HECTD4: variants seen among roughly 807,000 people sequenced by gnomAD.
The protein encoded by HECTD4 is probable E3 ubiquitin-protein ligase HECTD4.
In HECTD4, 114 loss-of-function variants were observed where a neutral mutation model predicts 471.5. That is an observed-to-expected ratio of 0.24 (90% CI 0.21 to 0.28). The LOEUF (loss-of-function observed/expected upper bound fraction) is 0.28. Among genes scored for constraint, HECTD4 ranks in the 10% least tolerant of loss-of-function variants. HECTD4 has a pLI of 1.00. For missense variants in HECTD4, 3,866 were observed against 5,651.5 expected (o/e 0.68, Z 10.13); for synonymous variants, 2,012 against 2,256.0 (o/e 0.89, Z 3.07).
intron 8 of HECTD4, among the ~76,000 whole-genome samples, chr12:112,282,825 T>C (rs1021633884): frequency 6.6e-6 from 1 of 152,236 alleles, no homozygotes; most frequent in Non-Finnish European, 1.5e-5. Flanking sequence ...TCACAAAGCA[T>C]ACGCAAAATA....
chr12:112,207,871 G>C lies in HECTD4; in HGVS notation c.8131+3C>G, dbSNP rs755745380. 2 of 1,613,670 alleles carry C rather than the reference G, an allele frequency of 1.2e-6. No individual in the cohort carries two copies. Among genetic ancestry groups the C allele is most frequent in the East Asian group, 2.2e-5 (1 of 44,888 alleles). On this transcript the variant is annotated splice_donor_region_variant and intron_variant, in intron 52 of 75. Transcript: ENST00000682272. ...CTCCTTAGCAGAACAAAAAGTACCA[G>C]ACCTAGTTGTAAGGCCCCCTTTATC... is the stretch of plus-strand genomic sequence containing the variant.
At chr12:112,292,940 T>C (rs2034920242) in intron 7 of HECTD4, among the ~76,000 whole-genome samples, 1 of 151,914 alleles carries the variant, frequency 6.6e-6, no homozygotes, top group Admixed American at 6.6e-5. Flanking sequence ...GAGAATTGCT[T>C]GAACCCAGGA....
At chr12:112,277,549 T>C (rs1330801413) in intron 9 of HECTD4, among the ~76,000 whole-genome samples, 1 of 152,160 alleles carries the variant, frequency 6.6e-6, no homozygotes, top group Non-Finnish European at 1.5e-5. Context: ...GGCTAAAGAC[T>C]GAGAAAGATC....
intron 1 of HECTD4, among the ~76,000 whole-genome samples, chr12:112,339,548 T>A (rs1156930783): frequency 1.3e-5 from 2 of 152,104 alleles, no homozygotes; most frequent in African/African-American, 4.8e-5. Flanking sequence ...AGGGTCTATA[T>A]CTTAACTGGA....
intron 9 of HECTD4, among the ~76,000 whole-genome samples, chr12:112,278,077 A>G (rs1252588990): frequency 6.6e-6 from 1 of 152,238 alleles, no homozygotes; most frequent in Non-Finnish European, 1.5e-5. Context: ...AAATCAAGCA[A>G]ATAAACAAAC....
chr12:112,230,515 T>C (rs572024567), intron 40 of HECTD4, among the ~76,000 whole-genome samples, 172 bp downstream of exon 40: 1 of 152,346 alleles, frequency 6.6e-6, no homozygotes, highest in East Asian at 1.9e-4. Context: ...GTGATATAGG[T>C]TAACAGAGTT....
In HECTD4 at chr12:112,269,689, T is replaced by C. The variant is rs1475725904; in HGVS notation, c.2321+15A>G. 6.2e-7 allele frequency: 1 copy of C among 1,613,624 alleles called. No homozygotes were observed. The highest frequency in any genetic ancestry group is 2.2e-5 in the East Asian group (1 of 44,880). ...CATTTTGCAGAGAGCACTACAAAAA[T>C]CATTAGCTGTTTACCTGATGGCAAG... On this transcript the variant is annotated intron_variant, in intron 13 of 75. Transcript: ENST00000682272.
chr12:112,314,337 T>C (rs1000404735), intron 3 of HECTD4, 120 bp downstream of exon 3: 2 of 575,110 alleles, frequency 3.5e-6, no homozygotes, highest in South Asian at 2.4e-5. Flanking sequence ...TATGAGTCTA[T>C]ACTTATTTTA....
intron 52 of HECTD4, among the ~76,000 whole-genome samples, chr12:112,206,821 C>T (rs965740084): frequency 6.6e-6 from 1 of 152,164 alleles, no homozygotes; most frequent in Non-Finnish European, 1.5e-5. Flanking sequence ...CAGGCGTGAG[C>T]CACTATGCCT....
In HECTD4 at chr12:112,229,772, C is replaced by A. The variant is rs1454412882; in HGVS notation, c.6445G>T (p.Ala2149Ser). ...GRKLAKLQRI[A>S]RQAVAALCAL... ...CACAGTGCGGCAACGGCCTGGCGTG[C>A]AATTCTCTGAAGTTTGGCAAGTTTC... is the stretch of plus-strand genomic sequence containing the variant. Residue 2149 changes from alanine (A) to serine (S), a missense_variant, in exon 41 of 76, where the codon GCA (alanine) becomes TCA (serine). This residue lies in a region of HECTD4 where 617 missense variants were observed against 915.1 expected (regional missense o/e 0.67). Transcript: ENST00000682272. 5 of 1,613,912 alleles carry A rather than the reference C, an allele frequency of 3.1e-6. No homozygotes were observed. The African/African-American group carries it at 4.0e-5, about 13-fold the overall frequency.
intron 11 of HECTD4, among the ~76,000 whole-genome samples, chr12:112,271,677 G>A (rs1302392240): frequency 6.6e-6 from 1 of 152,170 alleles, no homozygotes; most frequent in Non-Finnish European, 1.5e-5. Context: ...GCCCAGGTTT[G>A]CTGCTTTCTT....
intron 6 of HECTD4, 139 bp downstream of exon 6, chr12:112,308,614 T>C (rs1008832137): frequency 1.6e-5 from 12 of 767,566 alleles, no homozygotes; most frequent in Non-Finnish European, 2.2e-5. Flanking sequence ...AAAAACAGAA[T>C]GCCCAAACTA....
intron 44 of HECTD4, among the ~76,000 whole-genome samples, chr12:112,220,719 C>T (rs550122006): frequency 6.6e-6 from 1 of 152,252 alleles, no homozygotes; most frequent in Admixed American, 6.5e-5. Flanking sequence ...ATCGCTTGAA[C>T]CCAGGAGGCA....
At position 112,262,864 on chromosome 12, in the gene HECTD4, G is replaced by A. The variant is rs548570928; in HGVS notation, c.2748+1220C>T. 2.6e-5 allele frequency among the ~76,000 whole-genome samples: 4 copies of A among 152,206 alleles called. No homozygotes were observed. The South Asian group carries it at 6.2e-4, about 24-fold the overall frequency. ...ACTCTTGGCCTCAAGTGATCCACCT[G>A]CCTCAGCCTCCCAAAGTGCTGGGAT... On this transcript the variant is annotated intron_variant, in intron 17 of 75. Transcript: ENST00000682272.
chr12:112,269,175 G>A (rs2034359872), intron 13 of HECTD4, among the ~76,000 whole-genome samples: 1 of 152,140 alleles, frequency 6.6e-6, no homozygotes, highest in African/African-American at 2.4e-5. Flanking sequence ...GCCCGGCCCT[G>A]AAAAGGTTTT....
chr12:112,226,998 C>A (rs1226619478), intron 43 of HECTD4, among the ~76,000 whole-genome samples: 1 of 152,174 alleles, frequency 6.6e-6, no homozygotes, highest in Non-Finnish European at 1.5e-5. Context: ...AAAATGGTTG[C>A]CATCACCACT....
At chr12:112,367,896 C>T (rs2036598227) in intron 1 of HECTD4, among the ~76,000 whole-genome samples, 1 of 150,528 alleles carries the variant, frequency 6.6e-6, no homozygotes, top group Admixed American at 6.6e-5. Context: ...TACTCTGCCC[C>T]ATAAATAGCT....
At chr12:112,301,736 C>A (rs2035168740) in intron 7 of HECTD4, 1 of 437,818 alleles carries the variant, frequency 2.3e-6, no homozygotes, top group Non-Finnish European at 4.1e-6. Context: ...AATGCAATAT[C>A]TTCACATATC....
At chr12:112,240,222 G>A (rs2033607574) in intron 32 of HECTD4, among the ~76,000 whole-genome samples, 195 bp from the exon 33 acceptor site, 1 of 152,170 alleles carries the variant, frequency 6.6e-6, no homozygotes, top group Non-Finnish European at 1.5e-5. Context: ...CTCCAAAACA[G>A]CGGTCCACAC....
Sources: gnomAD v4.1 joint callset for allele counts (sites outside exome capture counted in the v4.1 genomes callset) on GRCh38, gnomAD v4.1.1 for gene constraint, gnomAD v4.1.1 regional missense constraint, MANE v1.5 for transcripts, NCBI Gene and HGNC (gene_info 2026-07-23, HGNC 2026-07-21) for gene names.